The following LYPD6 variants were observed in gnomAD, a reference collection of about 807,000 sequenced individuals.
LYPD6 encodes the protein LY6/PLAUR domain containing 6, also known as ly6/PLAUR domain-containing protein 6.
In LYPD6, 15 loss-of-function variants were observed where a neutral mutation model predicts 22.7. That is an observed-to-expected ratio of 0.66 (90% CI 0.44 to 1.02). LYPD6 has a LOEUF of 1.02. Ranked by LOEUF, LYPD6 falls within the 50% of genes least tolerant of loss-of-function variation. The probability of loss-of-function intolerance (pLI) is 0.00; values close to 1 mark genes in which losing one functional copy is unlikely to be tolerated. For missense variants in LYPD6, 189 were observed against 208.4 expected (o/e 0.91, Z 0.57); for synonymous variants, 72 against 77.5 (o/e 0.93, Z 0.37).
At chr2:149,479,446 C>T in the LYPD6 span, among the ~76,000 whole-genome samples, 2 of 152,186 alleles carry the variant, frequency 1.3e-5, no homozygotes, top group Non-Finnish European at 2.9e-5. Context: ...ATCTACTCAA[C>T]ATTTCATTTG....
chr2:149,356,432 C>A (rs576569404), intron 1 of LYPD6, among the ~76,000 whole-genome samples: 20 of 152,324 alleles, frequency 1.3e-4, no homozygotes, highest in African/African-American at 4.6e-4. Context: ...GAGATGTTTT[C>A]CTTCCCTACA....
At chr2:149,437,489 A>G in intron 1 of LYPD6, 149 bp from the exon 2 acceptor site, 1 of 622,210 alleles carries the variant, frequency 1.6e-6, no homozygotes, top group Non-Finnish European at 2.7e-6. Flanking sequence ...AGTGCTCTAA[A>G]ATTACTGTTG....
chr2:149,439,032 A>G (rs1006831619), intron 2 of LYPD6, among the ~76,000 whole-genome samples: 1 of 152,184 alleles, frequency 6.6e-6, no homozygotes, highest in African/African-American at 2.4e-5. Context: ...TATAATACAT[A>G]CTCGTTAGCA....
intron 1 of LYPD6, among the ~76,000 whole-genome samples, chr2:149,425,917 T>C (rs1683179405): frequency 6.6e-6 from 1 of 152,238 alleles, no homozygotes; most frequent in African/African-American, 2.4e-5. Context: ...CGATGGTCTT[T>C]GAGCTGTCAG....
chr2:149,433,792 T>A (rs1366462329), intron 1 of LYPD6, among the ~76,000 whole-genome samples: 1 of 152,178 alleles, frequency 6.6e-6, no homozygotes, highest in African/African-American at 2.4e-5. Context: ...CCTATGGCAT[T>A]TTCCCCATGT....
intron 1 of LYPD6, among the ~76,000 whole-genome samples, chr2:149,336,677 T>C (rs990255780): frequency 7.9e-5 from 12 of 152,222 alleles, no homozygotes; most frequent in Non-Finnish European, 1.6e-4. Context: ...AATATGGGAT[T>C]GGAAGTGATT....
At chr2:149,347,026 C>T (rs1165564974) in intron 1 of LYPD6, among the ~76,000 whole-genome samples, 1 of 152,152 alleles carries the variant, frequency 6.6e-6, no homozygotes, top group African/African-American at 2.4e-5. Flanking sequence ...TCTCACAATT[C>T]TGGAAGCTTG....
At chr2:149,380,298 A>T (rs1682030534) in intron 1 of LYPD6, among the ~76,000 whole-genome samples, 1 of 152,272 alleles carries the variant, frequency 6.6e-6, no homozygotes, top group South Asian at 2.1e-4. Flanking sequence ...CGTTCTAAGC[A>T]GAGCGAAGAT....
At chr2:149,364,756 T>G (rs1423467650) in intron 1 of LYPD6, among the ~76,000 whole-genome samples, 1 of 152,088 alleles carries the variant, frequency 6.6e-6, no homozygotes, top group Non-Finnish European at 1.5e-5. Context: ...AAGATACATA[T>G]TAATAGATTG....
At chr2:149,403,354 A>G (rs1226341359) in intron 1 of LYPD6, among the ~76,000 whole-genome samples, 17 of 150,574 alleles carry the variant, frequency 1.1e-4, no homozygotes, top group South Asian at 4.2e-4. Flanking sequence ...CCAACAGTGT[A>G]AAAGTGTTCC....
At chr2:149,336,350 TA>T (rs1452233993) in intron 1 of LYPD6, among the ~76,000 whole-genome samples, 2 of 152,124 alleles carry the variant, frequency 1.3e-5, no homozygotes, top group Non-Finnish European at 2.9e-5. Flanking sequence ...AATAGAAGAT[TA>T]AAGTCAAAAT....
chr2:149,363,397 T>C (rs916589740), intron 1 of LYPD6, among the ~76,000 whole-genome samples: 2 of 152,186 alleles, frequency 1.3e-5, no homozygotes, highest in African/African-American at 4.8e-5. Flanking sequence ...TTAATAATTT[T>C]CCCCCAATCA....
At chr2:149,438,616 T>G (rs1256955369) in intron 2 of LYPD6, among the ~76,000 whole-genome samples, 1 of 152,238 alleles carries the variant, frequency 6.6e-6, no homozygotes, top group African/African-American at 2.4e-5. Flanking sequence ...TTAACAAATA[T>G]AGTTTGAGTG....
At chr2:149,461,354 G>A (rs535407011) in intron 3 of LYPD6, among the ~76,000 whole-genome samples, 76 of 151,860 alleles carry the variant, frequency 5.0e-4, no homozygotes, top group African/African-American at 1.8e-3. Context: ...CTAAAAATGA[G>A]ATAAATAGTC....
At chr2:149,424,266 C>G (rs1683144696) in intron 1 of LYPD6, among the ~76,000 whole-genome samples, 1 of 152,126 alleles carries the variant, frequency 6.6e-6, no homozygotes, top group Non-Finnish European at 1.5e-5. Flanking sequence ...AGATGATGTC[C>G]ATAAAATTTA....
intron 2 of LYPD6, among the ~76,000 whole-genome samples, chr2:149,438,519 C>A (rs1228558558): frequency 1.3e-5 from 2 of 152,122 alleles, no homozygotes; most frequent in Non-Finnish European, 2.9e-5. Flanking sequence ...CTGTATTGCC[C>A]CTGTTGAGGT....
At chr2:149,359,706 A>G (rs1193464383) in intron 1 of LYPD6, among the ~76,000 whole-genome samples, 1 of 152,092 alleles carries the variant, frequency 6.6e-6, no homozygotes, top group Non-Finnish European at 1.5e-5. Context: ...TCTTTTTCTT[A>G]GAGTTAACTC....
intron 2 of LYPD6, among the ~76,000 whole-genome samples, chr2:149,443,100 C>T (rs1256123483): frequency 2.0e-5 from 3 of 152,292 alleles, no homozygotes; most frequent in African/African-American, 7.2e-5. Flanking sequence ...GGTTCATTTT[C>T]AGAATCCAGG....
At chr2:149,346,370 A>T (rs1042043434) in intron 1 of LYPD6, among the ~76,000 whole-genome samples, 1 of 152,318 alleles carries the variant, frequency 6.6e-6, no homozygotes. Flanking sequence ...AGCTCAATGA[A>T]CTTGGGAGAG....
Sources: allele counts gnomAD v4.1 joint callset (sites outside exome capture counted in the v4.1 genomes callset), GRCh38; gene constraint gnomAD v4.1.1; transcripts MANE v1.5; gene names NCBI Gene and HGNC (gene_info 2026-07-23, HGNC 2026-07-21).